Variants in GRB10 observed in about 807,000 individuals in gnomAD.
GRB10 encodes growth factor receptor-bound protein 10.
Under a neutral mutation model 80.9 loss-of-function variants are expected in GRB10, and 20 were observed. That is an observed-to-expected ratio of 0.25 (90% CI 0.17 to 0.36). The LOEUF is 0.36. Ranked by LOEUF, GRB10 falls within the 10% of genes least tolerant of loss-of-function variation. The pLI, the probability that GRB10 is intolerant of heterozygous loss-of-function variation, is 1.00. For missense variants in GRB10, 548 were observed against 747.7 expected (o/e 0.73, Z 3.12); for synonymous variants, 291 against 291.5 (o/e 1.00, Z 0.02).
Position 50,711,010 on chromosome 7 carries a change from G to C in GRB10, c.52-7102C>G, listed in dbSNP as rs532926755. On this transcript the variant is annotated intron_variant, in intron 4 of 18. Coordinates refer to ENST00000401949, the MANE Select transcript of GRB10 (RefSeq NM_001350814.2). Reference sequence around the variant, plus strand: ...CAGAACCTGGAGAACGGCACAGAAGGCACACTTAATAACTCCACTAAGGTA... The same window carrying C: ...CAGAACCTGGAGAACGGCACAGAAGCCACACTTAATAACTCCACTAAGGTA... The C allele has an allele frequency of 2.0e-5, 19 of 950,132 alleles. No homozygotes were observed. In the African/African-American group the frequency reaches 2.1e-4, roughly 10 times the overall value. 58.9% of individuals were successfully genotyped at this position (950,132 alleles called of 1,614,324 possible). A position where few individuals can be genotyped will look rare whatever the true frequency, so the allele number is the denominator to read the frequency against.
intron 3 of GRB10, among the ~76,000 whole-genome samples, chr7:50,750,405 T>G (rs191494999): frequency 3.1e-4 from 47 of 152,332 alleles, no homozygotes. Flanking sequence ...AAAGGGGCTT[T>G]CCTGCACCGT....
intron 7 of GRB10, among the ~76,000 whole-genome samples, chr7:50,659,228 G>A (rs973851201): frequency 6.6e-6 from 1 of 152,116 alleles, no homozygotes; most frequent in South Asian, 2.1e-4. Flanking sequence ...AACGATAGAC[G>A]ATGCCAAATT....
chr7:50,775,163 A>C (rs1350485468), intron 2 of GRB10, among the ~76,000 whole-genome samples: 2 of 119,680 alleles, frequency 1.7e-5, no homozygotes, highest in African/African-American at 7.0e-5. Context: ...CCTGTCTCCA[A>C]AAAAAAAAAA....
At chr7:50,726,564 T>C (rs375431640) in intron 4 of GRB10, among the ~76,000 whole-genome samples, 1 of 152,206 alleles carries the variant, frequency 6.6e-6, no homozygotes, top group Non-Finnish European at 1.5e-5. Context: ...TACATATTTA[T>C]GTATTTTTAT....
intron 7 of GRB10, among the ~76,000 whole-genome samples, chr7:50,646,682 T>C (rs918211356): frequency 2.0e-5 from 3 of 152,196 alleles, no homozygotes; most frequent in Non-Finnish European, 4.4e-5. Flanking sequence ...CCAGCTTCTT[T>C]GGAAAGAGAT....
At chr7:50,736,717 A>T (rs1240323719) in intron 3 of GRB10, among the ~76,000 whole-genome samples, 2 of 152,054 alleles carry the variant, frequency 1.3e-5, no homozygotes, top group Non-Finnish European at 2.9e-5. Flanking sequence ...ACAGGAATTG[A>T]GGATGCAGTG....
chr7:50,769,199 G>A (rs1011460647), intron 2 of GRB10, among the ~76,000 whole-genome samples: 7 of 152,226 alleles, frequency 4.6e-5, no homozygotes, highest in Non-Finnish European at 5.9e-5. Context: ...CCTCCTCTCC[G>A]CAATTTGAGC....
chr7:50,754,599 C>T (rs1353526567), intron 3 of GRB10, among the ~76,000 whole-genome samples: 3 of 152,190 alleles, frequency 2.0e-5, no homozygotes, highest in Admixed American at 2.0e-4. Flanking sequence ...ACATGCGCAC[C>T]TTCTGAATTT....
intron 7 of GRB10, among the ~76,000 whole-genome samples, chr7:50,658,458 A>T (rs1353770433): frequency 6.6e-6 from 1 of 152,232 alleles, no homozygotes; most frequent in African/African-American, 2.4e-5. Flanking sequence ...GGTCTCTGTG[A>T]AAGCACTGAT....
chr7:50,789,791 A>C (rs998311329), intron 1 of GRB10, among the ~76,000 whole-genome samples: 1 of 152,190 alleles, frequency 6.6e-6, no homozygotes, highest in Non-Finnish European at 1.5e-5. Flanking sequence ...CTATATCCTA[A>C]AAGCAAAAAA....
At chr7:50,748,766 G>C (rs1001767716) in intron 3 of GRB10, among the ~76,000 whole-genome samples, 5 of 152,184 alleles carry the variant, frequency 3.3e-5, no homozygotes, top group Non-Finnish European at 5.9e-5. Context: ...TGGGGTAAAG[G>C]GCAATGATAT....
chr7:50,593,968 A>C (rs2046199062), intron 18 of GRB10, among the ~76,000 whole-genome samples: 1 of 147,490 alleles, frequency 6.8e-6, no homozygotes, highest in African/African-American at 2.5e-5. Flanking sequence ...CTACCACGAA[A>C]GCCCCCTTTC....
At chr7:50,737,335 G>A (rs534041055) in intron 3 of GRB10, among the ~76,000 whole-genome samples, 227 of 152,292 alleles carry the variant, frequency 1.5e-3, no homozygotes, top group South Asian at 3.5e-3. Context: ...GCATCTGGCT[G>A]TTTAAAAGTG....
chr7:50,687,970 G>C (rs1371881503), intron 5 of GRB10, among the ~76,000 whole-genome samples: 1 of 152,248 alleles, frequency 6.6e-6, no homozygotes, highest in Non-Finnish European at 1.5e-5. Flanking sequence ...GCTCAATGCA[G>C]TGTATGCTGG....
chr7:50,755,875 C>T lies in GRB10; in HGVS notation c.-47+12G>A, dbSNP rs2075004849. 2 of 398,638 alleles carry T rather than the reference C, an allele frequency of 5.0e-6. No individual in the cohort carries two copies. The highest frequency in any genetic ancestry group is 4.4e-5 in the Admixed American group (1 of 22,718). 24.7% of individuals were successfully genotyped at this position (398,638 alleles called of 1,614,324 possible). Reference sequence around the variant, plus strand: ...AAAGGCACTAGTGACTAGTGTCATGCATAGGGCTTACCTGTCAGGAGTTGG... The same window carrying T: ...AAAGGCACTAGTGACTAGTGTCATGTATAGGGCTTACCTGTCAGGAGTTGG... On this transcript the variant is annotated intron_variant, in intron 3 of 18. Coordinates refer to ENST00000401949, the MANE Select transcript of GRB10 (RefSeq NM_001350814.2).
At chr7:50,642,600 C>A (rs1427229901) in intron 7 of GRB10, among the ~76,000 whole-genome samples, 1 of 152,214 alleles carries the variant, frequency 6.6e-6, no homozygotes, top group East Asian at 1.9e-4. Flanking sequence ...ACATGATACT[C>A]AACGGAAACG....
intron 5 of GRB10, among the ~76,000 whole-genome samples, chr7:50,683,894 T>C (rs867535605): frequency 2.0e-5 from 3 of 152,218 alleles, no homozygotes; most frequent in African/African-American, 4.8e-5. Flanking sequence ...GCCAAGCAGA[T>C]TGGCTTGTTA....
At chr7:50,700,688 T>C (rs1209684865) in intron 5 of GRB10, among the ~76,000 whole-genome samples, 1 of 152,248 alleles carries the variant, frequency 6.6e-6, no homozygotes, top group Non-Finnish European at 1.5e-5. Flanking sequence ...ATGATCGATA[T>C]TTCCATTGCA....
intron 7 of GRB10, chr7:50,645,769 T>C (rs1303339247): frequency 2.1e-5 from 6 of 287,212 alleles, no homozygotes; most frequent in Admixed American, 1.3e-4. Context: ...ATCAAAGTGA[T>C]AGATTGCCTG....
Sources: gnomAD v4.1 joint callset for allele counts (sites outside exome capture counted in the v4.1 genomes callset) on GRCh38, gnomAD v4.1.1 for gene constraint, MANE v1.5 for transcripts, NCBI Gene and HGNC (gene_info 2026-07-23, HGNC 2026-07-21) for gene names.